The following ZNF75D variants were observed in gnomAD, a reference collection of about 807,000 sequenced individuals.
The protein encoded by ZNF75D is zinc finger protein 75D, also known as zinc finger protein 75.
ZNF75D carries 33 observed loss-of-function variants against 33.3 expected under a neutral mutation model. That is an observed-to-expected ratio of 0.99 (90% confidence interval 0.75 to 1.32). The LOEUF is 1.32. Ranked by LOEUF, ZNF75D falls within the 40% of genes most tolerant of loss-of-function variation. The pLI, the probability that ZNF75D is intolerant of heterozygous loss-of-function variation, is 0.00. For missense variants in ZNF75D, 338 were observed against 367.5 expected, an observed-to-expected ratio of 0.92 and a Z score of 0.66; for synonymous variants, 113 against 130.6, an observed-to-expected ratio of 0.87 and a Z score of 0.92.
At chrX:135,265,517 C>T (rs1372239121) in intron 1 of ZNF75D, among the ~76,000 whole-genome samples, 2 of 111,759 alleles carry the variant, frequency 1.8e-5, no homozygotes, top group East Asian at 2.8e-4. Flanking sequence ...GCAGACTTTT[C>T]GATGGAAACC....
rs782783133 is a variant in ZNF75D, at chrX:135,287,421, C to T, written c.1249G>A (p.Gly417Arg). The change falls in exon 7 of 7, where the codon GGA (glycine) becomes AGA (arginine). Residue 417 changes from glycine (G) to arginine (R), a missense_variant. Gly to Arg is a moderately radical substitution (Grantham distance 125, BLOSUM62 -2). Transcript: ENST00000370766. ...DLNKHFMTHQ[G>R]IKPYRCSWCG... is the part of the protein sequence containing the mutation. ...CATGAGCATCTATATGGTTTTATTC[C>T]TTGATGGGTCATGAAGTGCTTATTA... 4 of 1,211,374 alleles carry T rather than the reference C, an allele frequency of 3.3e-6. No homozygotes were observed. Among genetic ancestry groups the T allele is most frequent in the Non-Finnish European group, 4.5e-6 (4 of 895,392 alleles).
intron 1 of ZNF75D, among the ~76,000 whole-genome samples, chrX:135,261,009 T>G (rs782287576): frequency 1.4e-4 from 16 of 112,436 alleles, no homozygotes; most frequent in Admixed American, 4.7e-4. Context: ...TTTGTTCTCA[T>G]TGGTTTCAAA....
At chrX:135,336,502 G>A (rs1156553978) in intron 1 of ZNF75D, among the ~76,000 whole-genome samples, 1 of 112,245 alleles carries the variant, frequency 8.9e-6, no homozygotes, top group African/African-American at 3.2e-5. Context: ...TCATGATCTG[G>A]GTGAAAGGCT....
chrX:135,263,551 T>C (rs2083851353), intron 1 of ZNF75D, among the ~76,000 whole-genome samples: 1 of 112,825 alleles, frequency 8.9e-6, no homozygotes, highest in Non-Finnish European at 1.9e-5. Flanking sequence ...GCCAGGTTGC[T>C]GTTTCGCAGA....
At position 135,296,048 on chromosome X, in the gene ZNF75D, G is replaced by C. The variant is rs2084125536; in HGVS notation, c.-390-9C>G. 9.0e-6 allele frequency: 1 copy of C among 110,991 alleles called. No homozygotes were observed. The highest frequency in any genetic ancestry group is 3.3e-5 in the African/African-American group (1 of 30,466). The allele number at this position is 110,991 out of a possible 1,213,427, so 9.1% of individuals were successfully genotyped here. A position where few individuals can be genotyped will look rare whatever the true frequency, so the allele number is the denominator to read the frequency against. On this transcript the variant is annotated splice_polypyrimidine_tract_variant and intron_variant, in intron 1 of 6. Transcript: ENST00000370766. ...GGTCGAGTTCTGTGGACCTGAACCG[G>C]AATCAACCAGAAAATGAAAGATGCA...
At chrX:135,275,041 G>A (rs1368278824) in intron 1 of ZNF75D, among the ~76,000 whole-genome samples, 3 of 112,036 alleles carry the variant, frequency 2.7e-5, no homozygotes, top group African/African-American at 9.7e-5. Flanking sequence ...CTAAAAGTTA[G>A]TTCAAATTAC....
At chrX:135,324,019 A>G (rs1390114052) in intron 1 of ZNF75D, among the ~76,000 whole-genome samples, 1 of 109,739 alleles carries the variant, frequency 9.1e-6, no homozygotes, top group Non-Finnish European at 1.9e-5. Context: ...ACACACACAC[A>G]CACACGCACA....
In ZNF75D at chrX:135,287,736, G is replaced by C. The variant is rs150700463; in HGVS notation, c.934C>G (p.Gln312Glu). 3 of 1,211,221 alleles carry C rather than the reference G, an allele frequency of 2.5e-6. No homozygotes were observed. The East Asian group carries it at 8.9e-5, about 36-fold the overall frequency. Residue 312 changes from glutamine (Q) to glutamate (E), a missense_variant, in exon 7 of 7, where the codon CAG becomes GAG. Coordinates refer to ENST00000370766, the MANE Select transcript of ZNF75D (RefSeq NM_007131.5). ...GGATTTTCCCTGCCCATTGTTTTCT[G>C]GGCAATTTTCATTCTGGTCTTTTTT... is the stretch of plus-strand genomic sequence containing the variant. ...VSKKTRMKIA[Q>E]KTMGRENPGD...
At position 135,286,552 on chromosome X, in the gene ZNF75D, T is replaced by C. The variant is rs1173366097; in HGVS notation, c.*585A>G. 1.8e-5 allele frequency: 2 copies of C among 112,208 alleles called. No homozygotes were observed. The highest frequency in any genetic ancestry group is 3.7e-5 in the Non-Finnish European group (2 of 53,340). 9.2% of individuals were successfully genotyped at this position (112,208 alleles called of 1,213,427 possible). A position where few individuals can be genotyped will look rare whatever the true frequency, so the allele number is the denominator to read the frequency against. On this transcript the variant is annotated 3_prime_UTR_variant, in exon 7 of 7. Transcript: ENST00000370766. ...TCCTTGACAGAAGACATTGTGGTAG[T>C]GGGTACTCAGGAGAGAAGCAACAAG... is the stretch of plus-strand genomic sequence containing the variant.
intron 1 of ZNF75D, among the ~76,000 whole-genome samples, chrX:135,302,508 CAT>C (rs2084230537): frequency 8.9e-6 from 1 of 112,689 alleles, no homozygotes; most frequent in Admixed American, 9.3e-5. Context: ...GCAATTAGAA[CAT>C]ACTTTATTCT....
intron 1 of ZNF75D, among the ~76,000 whole-genome samples, chrX:135,277,713 C>T (rs1294710396): frequency 1.8e-5 from 2 of 112,198 alleles, no homozygotes; most frequent in African/African-American, 6.5e-5. Context: ...TGTGGCTAGC[C>T]AGTTTTCCCA....
rs782240525 is a variant in ZNF75D at position 135,320,300 on chromosome X, A to G, written c.-391+21468T>C. Among the ~76,000 whole-genome samples, 4 of 111,207 alleles carry G rather than the reference A, an allele frequency of 3.6e-5. No individual in the cohort carries two copies. The East Asian group carries it at 1.1e-3, about 31-fold the overall frequency. On this transcript the variant is annotated intron_variant, in intron 1 of 6. Transcript: ENST00000370766. ...AGAGTAAGACTCCATCTCAAAAAAA[A>G]AAAAAAAGATCTTAGAATCTAGAAA...
chrX:135,296,773 T>A (rs2084136333), intron 1 of ZNF75D, among the ~76,000 whole-genome samples: 1 of 112,292 alleles, frequency 8.9e-6, no homozygotes, highest in Non-Finnish European at 1.9e-5. Context: ...ATAAATAATT[T>A]GAAATGGTAT....
chrX:135,287,816 T>C lies in ZNF75D; in HGVS notation c.854A>G (p.Asp285Gly). 1 of 1,207,475 alleles carries C rather than the reference T, an allele frequency of 8.3e-7. No homozygotes were observed. Among genetic ancestry groups the C allele is most frequent in the African/African-American group, 1.7e-5 (1 of 57,706 alleles). Residue 285 changes from aspartate (D) to glycine (G), a missense_variant, in exon 7 of 7, where the codon GAT becomes GGT. This residue lies in a region of ZNF75D where 254 missense variants were observed against 267.7 expected (regional missense o/e 0.95). Coordinates refer to ENST00000370766, the MANE Select transcript of ZNF75D (RefSeq NM_007131.5). ...GLKLKNDTGN[D>G]HPISVSTSEI... ...TGATGTAGAAACAGATATAGGATGATCATTTCCAGTGTCATTTTTTAGCTT... is the reference window on the plus strand; with the variant it reads ...TGATGTAGAAACAGATATAGGATGACCATTTCCAGTGTCATTTTTTAGCTT...
chrX:135,291,530 T>A lies in ZNF75D; in HGVS notation c.638A>T (p.Glu213Val). The A allele has an allele frequency of 1.7e-6, 2 of 1,210,713 alleles. No individual in the cohort carries two copies. Among genetic ancestry groups the A allele is most frequent in the South Asian group, 3.5e-5 (2 of 56,942 alleles). Residue 213 changes from glutamate to valine, a missense_variant, in exon 5 of 7, where the codon GAG becomes GTG. Glu to Val is a moderately radical substitution (Grantham distance 121, BLOSUM62 -2). This residue lies in a region of ZNF75D where 254 missense variants were observed against 267.7 expected (regional missense o/e 0.95). Transcript: ENST00000370766. ...CTTCCAGTGTTTGATTCTTTTCTGC[T>A]CAGAAAGGGCTAACATCTGTTGATC... The part of the protein sequence containing the change: ...VHDQQMLALS[E>V]QKRIKHWKMA...
chrX:135,265,173 C>A (rs1211314946), intron 1 of ZNF75D, among the ~76,000 whole-genome samples: 3 of 107,315 alleles, frequency 2.8e-5, no homozygotes, highest in Non-Finnish European at 5.8e-5. Flanking sequence ...GAGCTGAGTT[C>A]ACGCCATTAC....
chrX:135,265,839 T>C (rs1243718400), intron 1 of ZNF75D, among the ~76,000 whole-genome samples: 1 of 112,190 alleles, frequency 8.9e-6, no homozygotes, highest in Non-Finnish European at 1.9e-5. Context: ...AATTGTGTTA[T>C]GTAAACTACA....
intron 1 of ZNF75D, among the ~76,000 whole-genome samples, chrX:135,311,005 A>G (rs1285209316): frequency 1.8e-5 from 2 of 111,893 alleles, no homozygotes; most frequent in Non-Finnish European, 3.8e-5. Flanking sequence ...GCTGCAGTTC[A>G]GGATCAAACA....
chrX:135,268,453 A>T (rs959409671), intron 1 of ZNF75D, among the ~76,000 whole-genome samples: 1 of 110,100 alleles, frequency 9.1e-6, no homozygotes, highest in African/African-American at 3.3e-5. Flanking sequence ...GCCTTTCTAT[A>T]TGCCAACAGT....
Sources: allele counts gnomAD v4.1 joint callset (sites outside exome capture counted in the v4.1 genomes callset), GRCh38; gene constraint gnomAD v4.1.1; regional missense constraint gnomAD v4.1.1; transcripts MANE v1.5; gene names NCBI Gene and HGNC (gene_info 2026-07-23, HGNC 2026-07-21).